Variants in NUP98 observed in about 807,000 individuals in gnomAD.
NUP98 encodes the protein nucleoporin 98 and 96 precursor, also known as nuclear pore complex protein Nup98-Nup96.
NUP98 carries 26 observed loss-of-function variants against 191.9 expected under a neutral mutation model. That is an observed-to-expected ratio of 0.14 (90% CI 0.10 to 0.19). NUP98 has a LOEUF of 0.19. Ranked by LOEUF, NUP98 falls within the 10% of genes least tolerant of loss-of-function variation. The pLI is 1.00. For missense variants in NUP98, 1,941 were observed against 2,178.8 expected, an observed-to-expected ratio of 0.89 and a Z score of 2.17; for synonymous variants, 808 against 778.4, an observed-to-expected ratio of 1.04 and a Z score of -0.63.
chr11:3,717,784 T>C (rs2079238778), intron 18 of NUP98, among the ~76,000 whole-genome samples: 1 of 152,242 alleles, frequency 6.6e-6, no homozygotes, highest in Admixed American at 6.5e-5. Flanking sequence ...TGAGTGCCTT[T>C]ATTATGAAAG....
chr11:3,740,086 C>T (rs190032871), intron 12 of NUP98, among the ~76,000 whole-genome samples: 1 of 152,274 alleles, frequency 6.6e-6, no homozygotes, highest in East Asian at 1.9e-4. Flanking sequence ...ACCCCTAACC[C>T]TCATGTTGTC....
chr11:3,724,955 A>G (rs951621379), intron 15 of NUP98, 148 bp downstream of exon 15: 1 of 504,230 alleles, frequency 2.0e-6, no homozygotes, highest in African/African-American at 1.9e-5. Flanking sequence ...AGACAAAAAT[A>G]TGATTTGATT....
intron 16 of NUP98, among the ~76,000 whole-genome samples, chr11:3,721,809 G>C (rs1056671238): frequency 6.6e-6 from 1 of 152,058 alleles, no homozygotes; most frequent in Non-Finnish European, 1.5e-5. Flanking sequence ...AAGGAAAGTA[G>C]TGGAACGCTG....
rs1231182640 is a variant in NUP98 at position 3,676,493 on chromosome 11, G to A, written c.5185+16C>T. 3.1e-6 allele frequency: 5 copies of A among 1,608,058 alleles called. No individual in the cohort carries two copies. The South Asian group carries it at 4.4e-5, about 14-fold the overall frequency. ...GAAGCAAGAAGGCAGAAAGAGTGAGGAGGTTAGAGGCTTACCTGACTGAGC... is the reference window on the plus strand; with the variant it reads ...GAAGCAAGAAGGCAGAAAGAGTGAGAAGGTTAGAGGCTTACCTGACTGAGC... On this transcript the variant is annotated intron_variant, in intron 32 of 32. Transcript: ENST00000324932.
intron 8 of NUP98, among the ~76,000 whole-genome samples, chr11:3,766,548 G>GT (rs1371994799): frequency 5.3e-5 from 8 of 151,848 alleles, no homozygotes; most frequent in African/African-American, 1.9e-4. Context: ...AATTAGCTGG[G>GT]TATGGTGGTG....
chr11:3,753,306 A>G lies in NUP98; in HGVS notation c.1267+10T>C, dbSNP rs576127142. On this transcript the variant is annotated intron_variant, in intron 11 of 32. Coordinates refer to ENST00000324932, the MANE Select transcript of NUP98 (RefSeq NM_016320.5). ...GTCACTTCCTAGATCTCATGGTAGC[A>G]GTTTCTTACCTGTTCCAAATCCTGC... 27 of 1,606,740 alleles carry G rather than the reference A, an allele frequency of 1.7e-5. No homozygotes were observed. The South Asian group carries it at 2.8e-4, about 16-fold the overall frequency.
chr11:3,680,562 G>A (rs56326815), intron 30 of NUP98, among the ~76,000 whole-genome samples: 13,424 of 151,878 alleles, frequency 0.088, 657 homozygotes, highest in South Asian at 0.16. Flanking sequence ...GTATTTTTTT[G>A]TTGGGGTCTC....
chr11:3,697,726 G>A (rs543499462), intron 25 of NUP98, among the ~76,000 whole-genome samples: 9 of 147,520 alleles, frequency 6.1e-5, no homozygotes, highest in African/African-American at 1.0e-4. Flanking sequence ...TGAGGCAGGA[G>A]AATCGCTTGA....
chr11:3,736,776 C>T (rs970039807), intron 12 of NUP98, among the ~76,000 whole-genome samples: 16 of 152,150 alleles, frequency 1.1e-4, no homozygotes, highest in Admixed American at 9.8e-4. Flanking sequence ...ATTAAGGCTA[C>T]AGAGGAAGGC....
chr11:3,716,622 T>C lies in NUP98; in HGVS notation c.2400-2627A>G, dbSNP rs1370295649. ...TATTTAGGAGGCTGAGGCAGGAGAA[T>C]AGCTTGAACCTGGGGGCAGAGGTTG... On this transcript the variant is annotated intron_variant, in intron 18 of 32. Coordinates refer to ENST00000324932, the MANE Select transcript of NUP98 (RefSeq NM_016320.5). Among the ~76,000 whole-genome samples, 4 of 151,968 alleles carry C rather than the reference T, an allele frequency of 2.6e-5. No homozygotes were observed. The East Asian group carries it at 5.8e-4, about 22-fold the overall frequency.
chr11:3,763,144 G>A, intron 8 of NUP98, 105 bp from the exon 9 acceptor site: 4 of 991,926 alleles, frequency 4.0e-6, no homozygotes, highest in South Asian at 1.7e-5. Flanking sequence ...TTATATGACA[G>A]ATATTAGGCT....
intron 26 of NUP98, among the ~76,000 whole-genome samples, chr11:3,694,353 A>G (rs551443066): frequency 6.6e-6 from 1 of 152,084 alleles, no homozygotes; most frequent in South Asian, 2.1e-4. Context: ...CTGGACAATA[A>G]GAGCGAAACT....
chr11:3,767,586 G>A (rs902882054), intron 8 of NUP98, among the ~76,000 whole-genome samples: 2 of 152,044 alleles, frequency 1.3e-5, no homozygotes, highest in Non-Finnish European at 2.9e-5. Context: ...CTCCCAAAGT[G>A]CTGGGATTAC....
chr11:3,718,660 G>A (rs1339417753), intron 18 of NUP98, among the ~76,000 whole-genome samples: 1 of 152,156 alleles, frequency 6.6e-6, no homozygotes, highest in African/African-American at 2.4e-5. Flanking sequence ...TTCAGGGTTG[G>A]TAGGTTATGA....
Position 3,762,982 on chromosome 11 carries a change from T to C in NUP98, c.1006A>G (p.Asn336Asp). ...QPGGLFGTAT[N>D]TSTGTAFGTG... is the part of the protein sequence containing the mutation. ...CCAAATGCTGTCCCAGTGCTGGTGT[T>C]TGTAGCTGTCCCAAAAAGACCTCCA... Residue 336 changes from asparagine (N) to aspartate (D), a missense_variant, in exon 9 of 33, where the codon AAC becomes GAC. By Grantham distance (23) the Asn-to-Asp change is conservative. This residue lies in a region of NUP98 where 181 missense variants were observed against 228.0 expected (regional missense o/e 0.79). Coordinates refer to ENST00000324932, the MANE Select transcript of NUP98 (RefSeq NM_016320.5). The C allele has an allele frequency of 6.2e-7, 1 of 1,614,148 alleles. No homozygotes were observed. The highest frequency in any genetic ancestry group is 8.5e-7 in the Non-Finnish European group (1 of 1,180,026).
intron 12 of NUP98, among the ~76,000 whole-genome samples, chr11:3,737,321 C>CAA (rs34718372): frequency 9.5e-4 from 106 of 111,940 alleles, no homozygotes; most frequent in East Asian, 3.8e-3. Flanking sequence ...GCAGTAATAA[C>CAA]AAAAAAAAAA....
chr11:3,792,305 T>C (rs531938154), intron 1 of NUP98, among the ~76,000 whole-genome samples: 1 of 152,084 alleles, frequency 6.6e-6, no homozygotes, highest in South Asian at 2.1e-4. Context: ...ATAATTAAAT[T>C]TGTCAACATC....
intron 4 of NUP98, among the ~76,000 whole-genome samples, chr11:3,777,545 G>A (rs1226043865): frequency 2.0e-5 from 3 of 151,032 alleles, no homozygotes; most frequent in Middle Eastern, 3.2e-3. Context: ...CGCTTAAACT[G>A]GGGAGGCGGA....
chr11:3,723,850 G>A (rs552298423), intron 15 of NUP98, among the ~76,000 whole-genome samples: 125 of 141,662 alleles, frequency 8.8e-4, no homozygotes, highest in African/African-American at 3.1e-3. Flanking sequence ...TTTCTTTTTC[G>A]TGATACAGCC....
Sources: gnomAD v4.1 joint callset for allele counts (sites outside exome capture counted in the v4.1 genomes callset) on GRCh38, gnomAD v4.1.1 for gene constraint, gnomAD v4.1.1 regional missense constraint, MANE v1.5 for transcripts, NCBI Gene and HGNC (gene_info 2026-07-23, HGNC 2026-07-21) for gene names.